ROBO2: variants seen among roughly 807,000 people sequenced by gnomAD.
The protein encoded by ROBO2 is roundabout homolog 2.
ROBO2 carries 53 observed loss-of-function variants against 160.8 expected under a neutral mutation model. The ratio of observed to expected loss-of-function variants is 0.33; its 90% CI spans 0.26 to 0.41. The LOEUF is 0.41. Ranked by LOEUF, ROBO2 falls within the 10% of genes least tolerant of loss-of-function variation. The pLI, the probability that ROBO2 is intolerant of heterozygous loss-of-function variation, is 1.00. For missense variants in ROBO2, 1,577 were observed against 1,722.4 expected (o/e 0.92, Z 1.49); for synonymous variants, 664 against 611.7 (o/e 1.09, Z -1.26).
intron 5 of ROBO2, among the ~76,000 whole-genome samples, chr3:77,496,823 A>G (rs1352166335): frequency 1.3e-5 from 2 of 152,152 alleles, no homozygotes; most frequent in African/African-American, 4.8e-5. Context: ...CCAACCTTTC[A>G]GTAACCAGAG....
chr3:75,907,009 G>T, intron 1 of ROBO2: 1 of 152,550 alleles, frequency 6.6e-6, no homozygotes, highest in East Asian at 1.9e-4. Flanking sequence ...CAGAGACGTG[G>T]CATTGGCGAG....
chr3:76,268,257 A>C (rs1421114994), intron 2 of ROBO2, among the ~76,000 whole-genome samples: 1 of 152,118 alleles, frequency 6.6e-6, no homozygotes, highest in Admixed American at 6.6e-5. Flanking sequence ...GCAGCAGAGC[A>C]AAGAAAGCGA....
At chr3:76,265,557 A>G (rs955637766) in intron 2 of ROBO2, among the ~76,000 whole-genome samples, 1 of 152,204 alleles carries the variant, frequency 6.6e-6, no homozygotes, top group Non-Finnish European at 1.5e-5. Flanking sequence ...CTTCACCTTC[A>G]GAGGTGAAAA....
intron 2 of ROBO2, among the ~76,000 whole-genome samples, chr3:77,101,074 A>G (rs2071854760): frequency 6.6e-6 from 1 of 152,220 alleles, no homozygotes; most frequent in African/African-American, 2.4e-5. Flanking sequence ...GTTATGAGAA[A>G]AGAGAATCTT....
intron 2 of ROBO2, among the ~76,000 whole-genome samples, chr3:76,710,595 C>G (rs1276470280): frequency 6.6e-6 from 1 of 152,096 alleles, no homozygotes; most frequent in Non-Finnish European, 1.5e-5. Context: ...AGACAGAAGT[C>G]AGAATACAGC....
chr3:76,626,694 CT>C (rs966716864), intron 2 of ROBO2, among the ~76,000 whole-genome samples: 70 of 148,430 alleles, frequency 4.7e-4, no homozygotes, highest in African/African-American at 9.3e-4. Flanking sequence ...AATCTTTTAT[CT>C]TTTTTTTTTT....
At chr3:76,940,809 T>C (rs1057464936) in intron 2 of ROBO2, among the ~76,000 whole-genome samples, 2 of 152,236 alleles carry the variant, frequency 1.3e-5, no homozygotes, top group African/African-American at 4.8e-5. Context: ...GTACAATTAT[T>C]GTGTGCCAAT....
At chr3:77,107,494 A>C (rs1160341618) in intron 2 of ROBO2, among the ~76,000 whole-genome samples, 6 of 152,232 alleles carry the variant, frequency 3.9e-5, no homozygotes, top group Non-Finnish European at 7.3e-5. Context: ...AATAATTTTT[A>C]AAAACTAACA....
intron 2 of ROBO2, among the ~76,000 whole-genome samples, chr3:76,172,943 G>C (rs2073098153): frequency 6.6e-6 from 1 of 151,934 alleles, no homozygotes; most frequent in Non-Finnish European, 1.5e-5. Context: ...TATATATAAA[G>C]CTTCAAGCAA....
rs574651309 is a variant in ROBO2 at position 76,697,591 on chromosome 3, A to T, written c.110-400423A>T. On this transcript the variant is annotated intron_variant, in intron 2 of 26. Transcript: ENST00000487694. Reference sequence around the variant, plus strand: ...GAACCTGCGATTTCTAGCTGCAGTGAACCATAATTGCAACACTGCACTCCA... The same window carrying T: ...GAACCTGCGATTTCTAGCTGCAGTGTACCATAATTGCAACACTGCACTCCA... Among the ~76,000 whole-genome samples, 15 of 152,256 alleles carry T rather than the reference A, an allele frequency of 9.9e-5. No homozygotes were observed. The South Asian group carries it at 3.1e-3, about 32-fold the overall frequency.
chr3:76,289,437 G>T (rs971439019), intron 2 of ROBO2, among the ~76,000 whole-genome samples: 1 of 152,028 alleles, frequency 6.6e-6, no homozygotes, highest in Admixed American at 6.6e-5. Flanking sequence ...CATTCTGTAG[G>T]TTGTTTTTTT....
intron 2 of ROBO2, among the ~76,000 whole-genome samples, chr3:77,108,183 CATATATATGTATACACATATGCAT>C (rs1454284546): frequency 6.0e-4 from 85 of 142,650 alleles, no homozygotes; most frequent in African/African-American, 1.1e-3. Flanking sequence ...TACACATATG[CATATATATGTATACACATATGCAT>C]ATATATATGT....
intron 2 of ROBO2, among the ~76,000 whole-genome samples, chr3:76,302,680 G>A (rs6793468): frequency 0.014 from 2,138 of 152,046 alleles, 45 homozygotes; most frequent in African/African-American, 0.048. Context: ...CCACTAACTG[G>A]TGTACAGATT....
Position 76,482,413 on chromosome 3 carries a change from G to T in ROBO2, c.109+544811G>T, listed in dbSNP as rs534968725. Among the ~76,000 whole-genome samples the T allele has an allele frequency of 2.6e-5, 4 of 152,182 alleles. No individual in the cohort carries two copies. The South Asian group carries it at 6.2e-4, about 24-fold the overall frequency. Reference sequence around the variant, plus strand: ...ATTAATTTATGCAAAAACCATTAGTGTCTTTTTCTAAGCCCTTACTTTTGC... The same window carrying T: ...ATTAATTTATGCAAAAACCATTAGTTTCTTTTTCTAAGCCCTTACTTTTGC... On this transcript the variant is annotated intron_variant, in intron 2 of 26. Coordinates refer to the ROBO2 transcript ENST00000487694.
At chr3:76,312,533 C>T (rs994522421) in intron 2 of ROBO2, among the ~76,000 whole-genome samples, 3 of 152,132 alleles carry the variant, frequency 2.0e-5, no homozygotes, top group African/African-American at 7.2e-5. Flanking sequence ...GGTGCAGATC[C>T]ACCCAGAGGA....
chr3:76,332,211 A>G (rs1685882228), intron 2 of ROBO2, among the ~76,000 whole-genome samples: 1 of 152,198 alleles, frequency 6.6e-6, no homozygotes, highest in Non-Finnish European at 1.5e-5. Context: ...CTGTATCAAA[A>G]GTTATGGGAA....
At chr3:76,271,194 A>G (rs1440581462) in intron 2 of ROBO2, among the ~76,000 whole-genome samples, 1 of 152,090 alleles carries the variant, frequency 6.6e-6, no homozygotes, top group African/African-American at 2.4e-5. Context: ...AAAAACAAAA[A>G]GAAATAAAAC....
intron 2 of ROBO2, among the ~76,000 whole-genome samples, chr3:76,910,830 A>T (rs1183061193): frequency 3.3e-5 from 5 of 152,054 alleles, no homozygotes; most frequent in Non-Finnish European, 5.9e-5. Context: ...TAATCATTAA[A>T]ATATTTTTCA....
chr3:77,150,789 CAATT>C (rs2077488806), intron 2 of ROBO2, among the ~76,000 whole-genome samples: 1 of 151,366 alleles, frequency 6.6e-6, no homozygotes, highest in African/African-American at 2.4e-5. Context: ...AATAATAAGA[CAATT>C]TGGTTGTGTA....
Sources: gnomAD v4.1 joint callset for allele counts (sites outside exome capture counted in the v4.1 genomes callset) on GRCh38, gnomAD v4.1.1 for gene constraint, MANE v1.5 for transcripts, NCBI Gene and HGNC (gene_info 2026-07-23, HGNC 2026-07-21) for gene names.